CR2: variants seen among roughly 807,000 people sequenced by gnomAD.
CR2 encodes complement receptor type 2.
A neutral mutation model predicts 123.0 loss-of-function variants in CR2; 96 were observed. That is an observed-to-expected ratio of 0.78 (90% CI 0.66 to 0.93). The LOEUF (loss-of-function observed/expected upper bound fraction) is 0.93, where lower values mean the gene tolerates loss of function less well. Ranked by LOEUF, CR2 falls within the 40% of genes least tolerant of loss-of-function variation. The probability of loss-of-function intolerance (pLI) is 0.00; values close to 1 mark genes in which losing one functional copy is unlikely to be tolerated. For synonymous variants in CR2, 484 were observed against 469.5 expected (o/e 1.03, Z -0.40); for missense variants, 1,258 against 1,361.0 (o/e 0.92, Z 1.19).
intron 15 of CR2, 71 bp from the exon 16 acceptor site, chr1:207,477,814 A>G: frequency 7.2e-7 from 1 of 1,388,542 alleles, no homozygotes; most frequent in Non-Finnish European, 1.0e-6. Flanking sequence ...CTTTCTATTA[A>G]GGGAAATTTC....
chr1:207,486,499 G>A (rs1293050378), intron 19 of CR2, among the ~76,000 whole-genome samples: 1 of 152,142 alleles, frequency 6.6e-6, no homozygotes, highest in Non-Finnish European at 1.5e-5. Context: ...AGTGTGCTAG[G>A]TCATGGTAAA....
intron 17 of CR2, among the ~76,000 whole-genome samples, chr1:207,479,748 G>C (rs911687358): frequency 6.6e-6 from 1 of 152,184 alleles, no homozygotes; most frequent in African/African-American, 2.4e-5. Flanking sequence ...AAGTTGACTG[G>C]AACCTTGTGG....
chr1:207,478,118 A>AAG, intron 16 of CR2, 48 bp downstream of exon 16: 3 of 1,582,726 alleles, frequency 1.9e-6, no homozygotes, highest in Non-Finnish European at 2.6e-6. Flanking sequence ...TAACGGAGAG[A>AAG]AGAGAGTGAG....
At chr1:207,473,757 A>T (rs1425863956) in intron 11 of CR2, 36 bp downstream of exon 11, 4 of 1,613,866 alleles carry the variant, frequency 2.5e-6, no homozygotes, top group Admixed American at 1.7e-5. Flanking sequence ...TCTCTTTGAT[A>T]TGAGACATCT....
chr1:207,468,357 T>G (rs1658162776), intron 2 of CR2, 170 bp from the exon 3 acceptor site: 6 of 660,184 alleles, frequency 9.1e-6, no homozygotes, highest in East Asian at 8.2e-5. Flanking sequence ...TTTTGCAATT[T>G]TTTTAGCTTA....
At chr1:207,462,546 G>A (rs1250704768) in intron 1 of CR2, among the ~76,000 whole-genome samples, 1 of 152,164 alleles carries the variant, frequency 6.6e-6, no homozygotes, top group Non-Finnish European at 1.5e-5. Flanking sequence ...TGTGCAGAGT[G>A]GCATGACCAC....
intron 18 of CR2, among the ~76,000 whole-genome samples, chr1:207,484,390 A>G (rs1658693952): frequency 6.6e-6 from 1 of 152,228 alleles, no homozygotes; most frequent in South Asian, 2.1e-4. Flanking sequence ...AGACACTTGA[A>G]TGGCCTGAAA....
At chr1:207,479,353 T>C in intron 17 of CR2, 73 bp downstream of exon 17, 1 of 1,038,802 alleles carries the variant, frequency 9.6e-7, no homozygotes, top group African/African-American at 1.6e-5. Context: ...AGAGGTCCTA[T>C]ATCCTATCTG....
At chr1:207,484,664 C>A (rs1173502632) in intron 18 of CR2, among the ~76,000 whole-genome samples, 1 of 152,284 alleles carries the variant, frequency 6.6e-6, no homozygotes, top group South Asian at 2.1e-4. Flanking sequence ...CTTTCTTCCC[C>A]AGTAATTTTG....
chr1:207,468,922 A>C, intron 4 of CR2, 23 bp downstream of exon 4: 1 of 1,608,660 alleles, frequency 6.2e-7, no homozygotes, highest in Non-Finnish European at 8.5e-7. Flanking sequence ...ATTATTTATG[A>C]GATTTAATTC....
chr1:207,458,069 C>CACACACACACACACACACAT (rs1657878967), intron 1 of CR2, among the ~76,000 whole-genome samples: 2 of 146,938 alleles, frequency 1.4e-5, no homozygotes, highest in African/African-American at 5.3e-5. Flanking sequence ...AACACACACA[C>CACACACACACACACACACAT]ACACACACAC....
intron 9 of CR2, chr1:207,471,724 G>A (rs547695854): frequency 2.5e-5 from 12 of 477,232 alleles, no homozygotes; most frequent in East Asian, 1.3e-4. Flanking sequence ...TGTGGTTTAC[G>A]ATTATGGGAA....
At chr1:207,460,166 T>C (rs1279251666) in intron 1 of CR2, among the ~76,000 whole-genome samples, 1 of 152,212 alleles carries the variant, frequency 6.6e-6, no homozygotes, top group Non-Finnish European at 1.5e-5. Flanking sequence ...ACAAGTAGTA[T>C]CAGGATCATG....
intron 15 of CR2, among the ~76,000 whole-genome samples, chr1:207,477,200 G>T (rs1658466347): frequency 2.0e-5 from 3 of 152,192 alleles, no homozygotes; most frequent in Admixed American, 2.0e-4. Context: ...CATGGCTGGG[G>T]AAGCCTCACA....
intron 9 of CR2, among the ~76,000 whole-genome samples, chr1:207,472,553 G>T (rs1434508597): frequency 6.6e-6 from 1 of 152,114 alleles, no homozygotes; most frequent in Non-Finnish European, 1.5e-5. Flanking sequence ...ATGTGATGTT[G>T]ATCAACCACA....
intron 19 of CR2, among the ~76,000 whole-genome samples, 166 bp from the exon 20 acceptor site, chr1:207,488,976 A>G (rs1030410698): frequency 6.6e-6 from 1 of 152,258 alleles, no homozygotes; most frequent in African/African-American, 2.4e-5. Context: ...AGAGCATGTT[A>G]TATGAAGAAA....
rs946170767 is a variant in CR2 at position 207,489,674 on chromosome 1, C to G, written c.*551C>G. ...CTTGGTTTGAGTTTCTCTCACATTA[C>G]TGTATATACTTTGCCTTTCCATAAT... On this transcript the variant is annotated 3_prime_UTR_variant, in exon 20 of 20. Transcript: ENST00000367057. 2.6e-5 allele frequency: 4 copies of G among 152,148 alleles called. No individual in the cohort carries two copies. The highest frequency in any genetic ancestry group is 5.9e-5 in the Non-Finnish European group (4 of 68,030). 9.4% of individuals were successfully genotyped at this position (152,148 alleles called of 1,614,324 possible). A position where few individuals can be genotyped will look rare whatever the true frequency, so the allele number is the denominator to read the frequency against.
chr1:207,480,074 T>C (rs2102311441), intron 18 of CR2, 21 bp downstream of exon 18: 1 of 1,562,858 alleles, frequency 6.4e-7, no homozygotes, highest in East Asian at 2.2e-5. Context: ...AGGCGAATAC[T>C]TGATTGACCA....
intron 9 of CR2, among the ~76,000 whole-genome samples, chr1:207,472,153 G>T (rs1004870976): frequency 6.6e-6 from 1 of 152,028 alleles, no homozygotes; most frequent in African/African-American, 2.4e-5. Context: ...GGAGACTGAG[G>T]CAGGAGAATC....
Sources: allele counts gnomAD v4.1 joint callset (sites outside exome capture counted in the v4.1 genomes callset), GRCh38; gene constraint gnomAD v4.1.1; transcripts MANE v1.5; gene names NCBI Gene and HGNC (gene_info 2026-07-23, HGNC 2026-07-21).